NKAIN2: variants seen among roughly 807,000 people sequenced by gnomAD.
The protein encoded by NKAIN2 is sodium/potassium-transporting ATPase subunit beta-1-interacting protein 2.
In NKAIN2, 14 loss-of-function variants were observed where a neutral mutation model predicts 32.6. The ratio of observed to expected loss-of-function variants is 0.43; its 90% CI spans 0.28 to 0.67. The LOEUF is 0.67. Ranked by LOEUF, NKAIN2 falls within the 30% of genes least tolerant of loss-of-function variation. The pLI is 0.17. For missense variants in NKAIN2, 198 were observed against 258.3 expected, an observed-to-expected ratio of 0.77 and a Z score of 1.60; for synonymous variants, 80 against 87.2, an observed-to-expected ratio of 0.92 and a Z score of 0.46.
At chr6:123,940,042 A>G (rs1776743761) in intron 1 of NKAIN2, among the ~76,000 whole-genome samples, 1 of 151,780 alleles carries the variant, frequency 6.6e-6, no homozygotes. Context: ...ATGGGCCCAG[A>G]GTGCTTAATT....
At chr6:124,506,814 G>C (rs1488114512) in intron 3 of NKAIN2, among the ~76,000 whole-genome samples, 3 of 152,154 alleles carry the variant, frequency 2.0e-5, no homozygotes, top group Non-Finnish European at 2.9e-5. Flanking sequence ...GCCTTTGCAA[G>C]GTGTCTTTGG....
intron 1 of NKAIN2, among the ~76,000 whole-genome samples, chr6:124,247,476 G>T (rs1793470341): frequency 6.6e-6 from 1 of 152,068 alleles, no homozygotes; most frequent in African/African-American, 2.4e-5. Flanking sequence ...CACTAGTAGA[G>T]AATAATTTGG....
At chr6:124,621,432 T>C (rs187594412) in intron 3 of NKAIN2, among the ~76,000 whole-genome samples, 3 of 152,320 alleles carry the variant, frequency 2.0e-5, no homozygotes, top group Admixed American at 6.5e-5. Context: ...CTCCTACTCT[T>C]GGTTTCAACA....
At chr6:124,135,091 T>A (rs1786672213) in intron 1 of NKAIN2, among the ~76,000 whole-genome samples, 1 of 152,040 alleles carries the variant, frequency 6.6e-6, no homozygotes, top group African/African-American at 2.4e-5. Flanking sequence ...AATTCGCCAC[T>A]ACCAAGCCAG....
At chr6:124,534,959 A>G (rs1779662918) in intron 3 of NKAIN2, among the ~76,000 whole-genome samples, 5 of 152,230 alleles carry the variant, frequency 3.3e-5, no homozygotes. Flanking sequence ...GTATTTGCGT[A>G]TAACCTTCAT....
intron 4 of NKAIN2, among the ~76,000 whole-genome samples, chr6:124,750,349 C>T (rs79692608): frequency 1.2e-3 from 189 of 151,980 alleles, no homozygotes; most frequent in African/African-American, 4.4e-3. Context: ...ATATTTAGCA[C>T]TATCACATTT....
At chr6:124,277,145 G>C (rs1449168978) in intron 1 of NKAIN2, among the ~76,000 whole-genome samples, 1 of 152,058 alleles carries the variant, frequency 6.6e-6, no homozygotes, top group Non-Finnish European at 1.5e-5. Flanking sequence ...ATTTAATGTT[G>C]TTTTAAGATC....
At chr6:124,287,604 G>C (rs893822777) in intron 2 of NKAIN2, among the ~76,000 whole-genome samples, 2 of 152,094 alleles carry the variant, frequency 1.3e-5, no homozygotes, top group Non-Finnish European at 2.9e-5. Context: ...CCTGAAGCCA[G>C]AATTCATAGA....
chr6:124,621,404 G>A (rs1476060094), intron 3 of NKAIN2, among the ~76,000 whole-genome samples: 2 of 152,210 alleles, frequency 1.3e-5, no homozygotes, highest in East Asian at 1.9e-4. Context: ...CAGCACAGCT[G>A]AATTCAGTCT....
chr6:124,247,361 A>C (rs1392713157), intron 1 of NKAIN2, among the ~76,000 whole-genome samples: 1 of 152,124 alleles, frequency 6.6e-6, no homozygotes, highest in Non-Finnish European at 1.5e-5. Context: ...AGGAGACATT[A>C]ATGTCTCTGA....
chr6:124,526,437 A>T (rs953799713), intron 3 of NKAIN2, among the ~76,000 whole-genome samples: 1 of 152,162 alleles, frequency 6.6e-6, no homozygotes, highest in Admixed American at 6.5e-5. Context: ...CTTTCTGCCA[A>T]ATGAAAATGG....
chr6:124,820,189 C>A (rs1414115043), intron 6 of NKAIN2, among the ~76,000 whole-genome samples: 1 of 152,182 alleles, frequency 6.6e-6, no homozygotes, highest in Non-Finnish European at 1.5e-5. Context: ...CCTTCACACT[C>A]TTTACCATTC....
chr6:123,998,506 G>T (rs1779729420), intron 1 of NKAIN2, among the ~76,000 whole-genome samples: 4 of 152,018 alleles, frequency 2.6e-5, no homozygotes, highest in South Asian at 2.1e-4. Flanking sequence ...AAAAATGTAA[G>T]CTTCTTATCA....
At chr6:124,703,569 GA>G (rs1490859922) in intron 4 of NKAIN2, among the ~76,000 whole-genome samples, 2 of 151,832 alleles carry the variant, frequency 1.3e-5, no homozygotes, top group Admixed American at 1.3e-4. Context: ...ACAAGAGAAG[GA>G]AAAAAAGATA....
chr6:124,703,812 T>C lies in NKAIN2; in HGVS notation c.474+45426T>C, dbSNP rs148387427. 7.9e-3 allele frequency among the ~76,000 whole-genome samples: 1,205 copies of C among 152,026 alleles called. 6 individuals carry two copies. Among genetic ancestry groups the C allele is most frequent in the Non-Finnish European group, 0.014 (944 of 67,870 alleles). ...AAGAAATATAAAATTTACCAACAGA[T>C]AGGGATTTGTGCCAGTTTGTGGGTG... On this transcript the variant is annotated intron_variant, in intron 4 of 6. Coordinates refer to ENST00000368417, the MANE Select transcript of NKAIN2 (RefSeq NM_001040214.3).
chr6:124,723,872 T>C (rs1173506594), intron 4 of NKAIN2, among the ~76,000 whole-genome samples: 1 of 152,246 alleles, frequency 6.6e-6, no homozygotes, highest in East Asian at 1.9e-4. Flanking sequence ...ATCTTTCCAA[T>C]CCTACTCTTT....
intron 3 of NKAIN2, among the ~76,000 whole-genome samples, chr6:124,577,398 G>A (rs1469964175): frequency 6.6e-6 from 1 of 151,922 alleles, no homozygotes; most frequent in Non-Finnish European, 1.5e-5. Flanking sequence ...TGTGCTTGGG[G>A]GACAGAAGGC....
chr6:124,120,880 A>G (rs1015424982), intron 1 of NKAIN2, among the ~76,000 whole-genome samples: 3 of 152,118 alleles, frequency 2.0e-5, no homozygotes, highest in Non-Finnish European at 4.4e-5. Flanking sequence ...AGGTCATGAA[A>G]CTTGATGCTT....
chr6:124,420,769 T>A (rs2114532045), intron 3 of NKAIN2, among the ~76,000 whole-genome samples: 1 of 152,280 alleles, frequency 6.6e-6, no homozygotes, highest in South Asian at 2.1e-4. Flanking sequence ...GTCTATGGAT[T>A]ATTTTATATT....
Sources: allele counts gnomAD v4.1 joint callset (sites outside exome capture counted in the v4.1 genomes callset), GRCh38; gene constraint gnomAD v4.1.1; transcripts MANE v1.5; gene names NCBI Gene and HGNC (gene_info 2026-07-23, HGNC 2026-07-21).